Variants in IPCEF1 observed in about 807,000 individuals in gnomAD.
The protein encoded by IPCEF1 is interaction protein for cytohesin exchange factors 1.
In IPCEF1, 31 loss-of-function variants were observed where a neutral mutation model predicts 50.9. That is an observed-to-expected ratio of 0.61 (90% CI 0.46 to 0.82). The LOEUF is 0.82. Among genes scored for constraint, IPCEF1 ranks in the 40% least tolerant of loss-of-function variants. The pLI, the probability that IPCEF1 is intolerant of heterozygous loss-of-function variation, is 0.00. For missense variants in IPCEF1, 458 were observed against 514.0 expected (o/e 0.89, Z 1.05); for synonymous variants, 181 against 192.0 (o/e 0.94, Z 0.47).
At chr6:154,313,067 CAA>C (rs71021040) in intron 1 of IPCEF1, among the ~76,000 whole-genome samples, 4 of 59,052 alleles carry the variant, frequency 6.8e-5, no homozygotes, top group South Asian at 1.0e-3. Flanking sequence ...GGCCCTGTCT[CAA>C]AAAAAAAAAA....
chr6:154,221,810 C>T (rs1211810971), intron 6 of IPCEF1, among the ~76,000 whole-genome samples: 2 of 151,966 alleles, frequency 1.3e-5, no homozygotes, highest in South Asian at 2.1e-4. Flanking sequence ...GGAGGCAGAG[C>T]TTGCAGTGAG....
Position 154,199,903 on chromosome 6 carries a change from T to G in IPCEF1, c.675A>C (p.Thr225=), listed in dbSNP as rs1319792051. 6.2e-7 allele frequency: 1 copy of G among 1,614,214 alleles called. No individual in the cohort carries two copies. Among genetic ancestry groups the G allele is most frequent in the Non-Finnish European group, 8.5e-7 (1 of 1,180,036 alleles). The change falls in exon 10 of 12, where the codon ACA becomes ACC. Residue 225 remains threonine (T), a synonymous_variant. Transcript: ENST00000367220. ...CTTCAGCAGCAGACAAACTGTTAAC[T>G]GTGTCAGGCAAGGATTGTCTCTCTT... ...LSKERQSLPD[T]VNSLSAAEDE...
At chr6:154,289,688 T>C (rs1273348647) in intron 2 of IPCEF1, 25 bp downstream of exon 2, 2 of 151,524 alleles carry the variant, frequency 1.3e-5, no homozygotes, top group African/African-American at 4.9e-5. Context: ...AAAGAATTCG[T>C]TGCAAAGAAT....
chr6:154,194,026 G>A (rs1276644512), intron 10 of IPCEF1, among the ~76,000 whole-genome samples: 23 of 152,326 alleles, frequency 1.5e-4, no homozygotes, highest in Non-Finnish European at 3.4e-4. Flanking sequence ...GCAGGAATTT[G>A]TGACCATGAG....
chr6:154,200,487 G>T (rs1216312400), intron 9 of IPCEF1, among the ~76,000 whole-genome samples: 1 of 152,136 alleles, frequency 6.6e-6, no homozygotes, highest in African/African-American at 2.4e-5. Context: ...TTGGAAGACC[G>T]AGACAGGCAG....
At chr6:154,175,621 G>A (rs1311787794) in intron 10 of IPCEF1, among the ~76,000 whole-genome samples, 1 of 152,022 alleles carries the variant, frequency 6.6e-6, no homozygotes, top group Non-Finnish European at 1.5e-5. Context: ...AACTAAACCA[G>A]GAAGAAGTTG....
At chr6:154,352,269 A>G (rs545013153) in intron 1 of IPCEF1, among the ~76,000 whole-genome samples, 17 of 152,366 alleles carry the variant, frequency 1.1e-4, no homozygotes, top group Admixed American at 8.5e-4. Flanking sequence ...TTGGTTTTTT[A>G]TTCAGCATTC....
intron 1 of IPCEF1, among the ~76,000 whole-genome samples, chr6:154,308,799 T>C (rs552832238): frequency 2.6e-4 from 39 of 152,376 alleles, no homozygotes; most frequent in African/African-American, 9.1e-4. Context: ...ATTTGTAATT[T>C]CTAGATTCTT....
At chr6:154,200,623 A>T (rs1281906877) in intron 9 of IPCEF1, among the ~76,000 whole-genome samples, 1 of 152,130 alleles carries the variant, frequency 6.6e-6, no homozygotes, top group East Asian at 1.9e-4. Context: ...CAGGAGACTG[A>T]GGCAGGAGAA....
At chr6:154,309,796 C>T (rs905737956) in intron 1 of IPCEF1, among the ~76,000 whole-genome samples, 21 of 149,672 alleles carry the variant, frequency 1.4e-4, no homozygotes, top group Non-Finnish European at 2.7e-4. Flanking sequence ...TGGAGTCTTG[C>T]TCTGTCACCC....
chr6:154,304,593 T>C (rs968298625), intron 1 of IPCEF1, among the ~76,000 whole-genome samples: 4 of 152,200 alleles, frequency 2.6e-5, no homozygotes, highest in Admixed American at 1.3e-4. Flanking sequence ...ATGAGTTGAT[T>C]CTGGATCTGA....
intron 1 of IPCEF1, among the ~76,000 whole-genome samples, chr6:154,347,573 T>C (rs1784055130): frequency 6.6e-6 from 1 of 152,240 alleles, no homozygotes; most frequent in South Asian, 2.1e-4. Context: ...GCATGGCCTG[T>C]TGGAAAAGCT....
chr6:154,246,907 C>T, intron 4 of IPCEF1, 147 bp from the exon 5 acceptor site: 1 of 794,860 alleles, frequency 1.3e-6, no homozygotes, highest in Non-Finnish European at 1.8e-6. Context: ...TTATGCAAAG[C>T]CTATGCAAAA....
At chr6:154,191,120 A>G (rs560203406) in intron 10 of IPCEF1, among the ~76,000 whole-genome samples, 1 of 152,306 alleles carries the variant, frequency 6.6e-6, no homozygotes, top group East Asian at 1.9e-4. Context: ...TCATATTACC[A>G]AATGAAAGAA....
intron 10 of IPCEF1, among the ~76,000 whole-genome samples, chr6:154,171,601 C>T (rs1165435523): frequency 6.6e-6 from 1 of 152,186 alleles, no homozygotes; most frequent in Non-Finnish European, 1.5e-5. Flanking sequence ...TGTACACTTT[C>T]ATGTGTGAAT....
At chr6:154,306,026 C>T (rs1782923377) in intron 1 of IPCEF1, among the ~76,000 whole-genome samples, 1 of 152,172 alleles carries the variant, frequency 6.6e-6, no homozygotes, top group African/African-American at 2.4e-5. Context: ...ACCTTGCGAT[C>T]GTGTGAGTCA....
rs182159542 is a variant in IPCEF1, at chr6:154,309,888, C to T, written c.-61-20132G>A. On this transcript the variant is annotated intron_variant, in intron 1 of 11. Coordinates refer to ENST00000367220, the MANE Select transcript of IPCEF1 (RefSeq NM_001130700.2). Reference sequence around the variant, plus strand: ...AAGCAAATCTCCTGGGTCAGCCTCCCAAGTAGCTGGGATTACAGGCGCATG... The same window carrying T: ...AAGCAAATCTCCTGGGTCAGCCTCCTAAGTAGCTGGGATTACAGGCGCATG... Among the ~76,000 whole-genome samples, 23 of 152,068 alleles carry T rather than the reference C, an allele frequency of 1.5e-4. No individual in the cohort carries two copies. In the East Asian group the frequency reaches 3.9e-3, roughly 26 times the overall value.
At chr6:154,214,518 G>A (rs1778228866) in intron 7 of IPCEF1, among the ~76,000 whole-genome samples, 1 of 152,178 alleles carries the variant, frequency 6.6e-6, no homozygotes, top group Non-Finnish European at 1.5e-5. Context: ...GTTCATGAGG[G>A]CAGCTAAATT....
chr6:154,313,094 G>A (rs1255061328), intron 1 of IPCEF1, among the ~76,000 whole-genome samples: 3 of 79,338 alleles, frequency 3.8e-5, no homozygotes, highest in Non-Finnish European at 4.7e-5. Flanking sequence ...AAACATGGCC[G>A]GGCACAGTGG....
Sources: allele counts gnomAD v4.1 joint callset (sites outside exome capture counted in the v4.1 genomes callset), GRCh38; gene constraint gnomAD v4.1.1; transcripts MANE v1.5; gene names NCBI Gene and HGNC (gene_info 2026-07-23, HGNC 2026-07-21).